Variants in FBXO31 observed in about 807,000 individuals in gnomAD.
FBXO31 encodes F-box only protein 31.
Under a neutral mutation model 54.4 loss-of-function variants are expected in FBXO31, and 24 were observed. That is an observed-to-expected ratio of 0.44 (90% CI 0.32 to 0.62). The LOEUF (loss-of-function observed/expected upper bound fraction) is 0.62, where lower values mean the gene tolerates loss of function less well. Among genes scored for constraint, FBXO31 ranks in the 20% least tolerant of loss-of-function variants. FBXO31 has a pLI of 0.05. For synonymous variants in FBXO31, 388 were observed against 335.6 expected (o/e 1.16, Z -1.71); for missense variants, 665 against 787.1 (o/e 0.84, Z 1.86).
chr16:87,388,656 C>T (rs1224661328), upstream of FBXO31: 2 of 152,236 alleles, frequency 1.3e-5, no homozygotes, highest in Non-Finnish European at 2.9e-5. Flanking sequence ...GGTTCTTACA[C>T]ACAGCTAGAC....
intron 2 of FBXO31, among the ~76,000 whole-genome samples, chr16:87,352,449 T>C (rs994050297): frequency 5.3e-5 from 8 of 150,840 alleles, no homozygotes; most frequent in Non-Finnish European, 8.9e-5. Flanking sequence ...GAAAATAACA[T>C]AACCAAAAAA....
chr16:87,381,381 G>A (rs1907069900), intron 1 of FBXO31, among the ~76,000 whole-genome samples: 1 of 152,154 alleles, frequency 6.6e-6, no homozygotes, highest in Non-Finnish European at 1.5e-5. Context: ...TACCATTTAG[G>A]GGAGAGGGCT....
rs144607280 is a variant in FBXO31, at chr16:87,345,537, G to A, written c.489+1637C>T. ...TTTCAACATAAATTGGCAGGTGACCGAGAAACACAGAAACTAAAACTACAA... is the reference window on the plus strand; with the variant it reads ...TTTCAACATAAATTGGCAGGTGACCAAGAAACACAGAAACTAAAACTACAA... On this transcript the variant is annotated intron_variant, in intron 3 of 8. Coordinates refer to ENST00000311635, the MANE Select transcript of FBXO31 (RefSeq NM_024735.5). The surrounding 1 kb of genome is among the most constrained non-coding windows in gnomAD (Gnocchi z 4.9). 4.0e-3 allele frequency among the ~76,000 whole-genome samples: 608 copies of A among 152,282 alleles called. 5 individuals carry two copies. The highest frequency in any genetic ancestry group is 0.027 in the South Asian group (130 of 4,816).
At chr16:87,389,939 C>G (rs1597385454), upstream of FBXO31, 2 of 152,310 alleles carry the variant, frequency 1.3e-5, 1 homozygote, top group Middle Eastern at 6.8e-3. Flanking sequence ...ACAAAAAAAT[C>G]AGGGACAGAA....
intron 4 of FBXO31, 22 bp from the exon 5 acceptor site, chr16:87,342,973 G>A: frequency 6.3e-7 from 1 of 1,589,236 alleles, no homozygotes; most frequent in Non-Finnish European, 8.6e-7. Flanking sequence ...GCAACACAAG[G>A]AAAGAGAAGA....
chr16:87,354,200 C>T (rs1405885883), intron 2 of FBXO31, among the ~76,000 whole-genome samples: 4 of 152,326 alleles, frequency 2.6e-5, no homozygotes, highest in East Asian at 1.9e-4. Flanking sequence ...TGTCCAGGCG[C>T]GGTGGCTCAC....
chr16:87,364,191 G>A (rs1007653933), intron 1 of FBXO31, among the ~76,000 whole-genome samples: 6 of 152,192 alleles, frequency 3.9e-5, no homozygotes, highest in Admixed American at 2.6e-4. Context: ...GACAAAGTGC[G>A]GCAACAGGGA....
upstream of FBXO31, among the ~76,000 whole-genome samples, chr16:87,391,028 C>T (rs1417157998): frequency 5.3e-5 from 8 of 152,190 alleles, no homozygotes; most frequent in Non-Finnish European, 8.8e-5. Context: ...CTATGGGGCT[C>T]TTTCAAAGTA....
At chr16:87,363,357 C>T (rs984424032) in intron 1 of FBXO31, among the ~76,000 whole-genome samples, 4 of 152,130 alleles carry the variant, frequency 2.6e-5, no homozygotes, top group Non-Finnish European at 5.9e-5. Context: ...GCACTACAGC[C>T]TGGGCAACAA....
upstream of FBXO31, chr16:87,392,042 C>A (rs1472826124): frequency 1.0e-5 from 2 of 192,952 alleles, no homozygotes; most frequent in Non-Finnish European, 2.1e-5. Flanking sequence ...GGCTCCCGAG[C>A]GCCCACAGAC....
chr16:87,333,185 TA>T (rs1176108777), intron 8 of FBXO31, among the ~76,000 whole-genome samples: 1 of 152,082 alleles, frequency 6.6e-6, no homozygotes, highest in East Asian at 1.9e-4. Context: ...CAAAACTGTA[TA>T]AAAAAAGTCA....
rs979561031 is a variant in FBXO31 at position 87,338,813 on chromosome 16, G to A, written c.733-2549C>T. Among the ~76,000 whole-genome samples, 4 of 152,124 alleles carry A rather than the reference G, an allele frequency of 2.6e-5. No homozygotes were observed. Among genetic ancestry groups the A allele is most frequent in the African/African-American group, 7.2e-5 (3 of 41,430 alleles). ...CCTTGGAACCTGCTTGATGTGGTTT[G>A]GCTGTGTCCCCACCCAAATCTCATC... is the stretch of plus-strand genomic sequence containing the variant. On this transcript the variant is annotated intron_variant, in intron 5 of 8. Transcript: ENST00000311635. This position sits in a 1 kb window ranked among gnomAD's most constrained non-coding sequence, Gnocchi z 4.3.
At position 87,347,237 on chromosome 16, in the gene FBXO31, A is replaced by G. The variant is rs201026602; in HGVS notation, c.426T>C (p.Tyr142=). 61 of 1,614,094 alleles carry G rather than the reference A, an allele frequency of 3.8e-5. No individual in the cohort carries two copies. The Admixed American group carries it at 6.8e-4, about 18-fold the overall frequency. The change falls in exon 3 of 9, where the codon TAT becomes TAC. Residue 142 remains tyrosine, a synonymous_variant. Coordinates refer to ENST00000311635, the MANE Select transcript of FBXO31 (RefSeq NM_024735.5). The part of the protein sequence containing the change: ...RDVYAKLLHR[Y]RHILGLWQPD... Reference sequence around the variant, plus strand: ...GCTGCCACAATCCCAAAATGTGTCTATATCGGTGAAGCACTACAGGAGGAG... The same window carrying G: ...GCTGCCACAATCCCAAAATGTGTCTGTATCGGTGAAGCACTACAGGAGGAG...
chr16:87,370,272 C>T (rs1362055070), intron 1 of FBXO31, among the ~76,000 whole-genome samples: 2 of 152,200 alleles, frequency 1.3e-5, no homozygotes, highest in African/African-American at 4.8e-5. Context: ...CGTGGCCGAG[C>T]CCGCACTCAG....
intron 2 of FBXO31, among the ~76,000 whole-genome samples, chr16:87,353,353 G>A (rs913726346): frequency 6.6e-6 from 1 of 152,244 alleles, no homozygotes; most frequent in African/African-American, 2.4e-5. Context: ...CCCCATTACT[G>A]TGGAGGCTGG....
intron 1 of FBXO31, among the ~76,000 whole-genome samples, chr16:87,360,973 G>A (rs1906107540): frequency 6.6e-6 from 1 of 152,066 alleles, no homozygotes; most frequent in Admixed American, 6.5e-5. Context: ...CTTCCTCTTT[G>A]TCCCCTACTC....
At chr16:87,372,401 C>A (rs1030369779) in intron 1 of FBXO31, among the ~76,000 whole-genome samples, 3 of 152,150 alleles carry the variant, frequency 2.0e-5, no homozygotes, top group Non-Finnish European at 2.9e-5. Flanking sequence ...AGTGCTGAGA[C>A]CCCACTGTAT....
At chr16:87,382,638 T>C (rs1907130492) in intron 1 of FBXO31, among the ~76,000 whole-genome samples, 1 of 152,174 alleles carries the variant, frequency 6.6e-6, no homozygotes, top group Admixed American at 6.5e-5. Context: ...ATTTTTTTTG[T>C]TGCTGTTGTT....
At chr16:87,384,016 T>C (rs562110293), upstream of FBXO31, 57 of 201,412 alleles carry the variant, frequency 2.8e-4, no homozygotes, top group African/African-American at 1.1e-3. Context: ...GTGCAAAACG[T>C]TAGACTGCCC....
Sources: allele counts gnomAD v4.1 joint callset (sites outside exome capture counted in the v4.1 genomes callset), GRCh38; gene constraint gnomAD v4.1.1; non-coding constraint Gnocchi (gnomAD v3.1); transcripts MANE v1.5; gene names NCBI Gene and HGNC (gene_info 2026-07-23, HGNC 2026-07-21).